The following PDE2A variants were observed in gnomAD, a reference collection of about 807,000 sequenced individuals.
PDE2A encodes the protein phosphodiesterase 2A.
PDE2A carries 53 observed loss-of-function variants against 133.6 expected under a neutral mutation model. That is an observed-to-expected ratio of 0.40 (90% confidence interval 0.32 to 0.50). PDE2A has a LOEUF of 0.50. Among genes scored for constraint, PDE2A ranks in the 20% least tolerant of loss-of-function variants. The pLI, the probability that PDE2A is intolerant of heterozygous loss-of-function variation, is 0.73. For missense variants in PDE2A, 796 were observed against 1,232.4 expected, an observed-to-expected ratio of 0.65 and a Z score of 5.30; for synonymous variants, 491 against 490.2, an observed-to-expected ratio of 1.00 and a Z score of -0.02.
chr11:72,591,759 A>G (rs975095906), intron 6 of PDE2A, among the ~76,000 whole-genome samples: 1 of 152,154 alleles, frequency 6.6e-6, no homozygotes, highest in Non-Finnish European at 1.5e-5. Context: ...TTAGGGTTTG[A>G]GCTGCCCCTA....
intron 1 of PDE2A, among the ~76,000 whole-genome samples, chr11:72,672,014 G>C (rs1855396554): frequency 6.6e-6 from 1 of 151,926 alleles, no homozygotes; most frequent in African/African-American, 2.4e-5. Context: ...TCCCTTCCCT[G>C]TTCTCATCTA....
At chr11:72,621,169 C>G (rs1269554418) in intron 2 of PDE2A, among the ~76,000 whole-genome samples, 1 of 152,190 alleles carries the variant, frequency 6.6e-6, no homozygotes, top group East Asian at 1.9e-4. Context: ...AGGCCCTGCT[C>G]TTAATCAGCA....
chr11:72,659,076 T>C (rs1206620288), intron 1 of PDE2A, among the ~76,000 whole-genome samples: 3 of 151,890 alleles, frequency 2.0e-5, no homozygotes, highest in African/African-American at 4.8e-5. Flanking sequence ...GCCCACTTTA[T>C]AGTGGAGGAG....
At chr11:72,669,579 C>G (rs1855337651) in intron 1 of PDE2A, among the ~76,000 whole-genome samples, 1 of 152,160 alleles carries the variant, frequency 6.6e-6, no homozygotes, top group African/African-American at 2.4e-5. Flanking sequence ...CGGCCACCAC[C>G]CTGGAGGCCA....
rs542800581 is a variant in PDE2A at position 72,625,938 on chromosome 11, C to A, written c.144+16316G>T. The stretch of plus-strand genomic sequence containing the variant: ...TCTCTCAGTGTTTACAGCCAAAGGC[C>A]AGGCAGGACGGTGGGGGGTGGGGCC... On this transcript the variant is annotated intron_variant, in intron 2 of 30. Coordinates refer to ENST00000334456, the MANE Select transcript of PDE2A (RefSeq NM_002599.5). Among the ~76,000 whole-genome samples, 104 of 152,322 alleles carry A rather than the reference C, an allele frequency of 6.8e-4. 1 individual carries two copies. Among genetic ancestry groups the A allele is most frequent in the Admixed American group, 4.8e-3 (74 of 15,304 alleles).
intron 1 of PDE2A, among the ~76,000 whole-genome samples, chr11:72,672,349 A>G (rs1855404492): frequency 6.6e-6 from 1 of 151,968 alleles, no homozygotes; most frequent in Admixed American, 6.6e-5. Context: ...ACACCCAGCT[A>G]ATTTTATTGT....
At chr11:72,630,914 G>C (rs544922057) in intron 2 of PDE2A, among the ~76,000 whole-genome samples, 1 of 151,942 alleles carries the variant, frequency 6.6e-6, no homozygotes, top group Non-Finnish European at 1.5e-5. Flanking sequence ...TAGGGTGAGG[G>C]GAGATGGTCT....
intron 1 of PDE2A, among the ~76,000 whole-genome samples, chr11:72,644,253 TA>T (rs1859066076): frequency 6.6e-6 from 1 of 152,120 alleles, no homozygotes; most frequent in Non-Finnish European, 1.5e-5. Flanking sequence ...AGGTGTAGAG[TA>T]AGTGATCTGG....
At chr11:72,579,797 G>T in intron 25 of PDE2A, 189 bp from the exon 26 acceptor site, 1 of 588,900 alleles carries the variant, frequency 1.7e-6, no homozygotes. Flanking sequence ...CCCAGGGTGA[G>T]TCCCTAGACC....
chr11:72,584,771 C>G, intron 17 of PDE2A, 43 bp from the exon 18 acceptor site: 1 of 1,611,312 alleles, frequency 6.2e-7, no homozygotes, highest in Non-Finnish European at 8.5e-7. Context: ...AGTTAGTGAC[C>G]CGGCCACAGA....
Position 72,588,898 on chromosome 11 carries a change from A to C in PDE2A, c.956T>G (p.Leu319Arg). Reference sequence around the variant, plus strand: ...CAGCTCACAGCCCAACATGCTCTGCAGCTGTTGTACATCCTCCTGCAAAGG... The same window carrying C: ...CAGCTCACAGCCCAACATGCTCTGCCGCTGTTGTACATCCTCCTGCAAAGG... Reference protein sequence around the residue: ...KDLTSEDVQQLQSMLGCELQA... With the variant: ...KDLTSEDVQQRQSMLGCELQA... Residue 319 changes from leucine (L) to arginine (R), a missense_variant, in exon 13 of 31, where the codon CTG becomes CGG. Leu to Arg is a moderately radical substitution (Grantham distance 102). Around this residue, in one of 7 missense-constraint regions of PDE2A, gnomAD observed 417 missense variants for 475.3 expected, o/e 0.88. Coordinates refer to ENST00000334456, the MANE Select transcript of PDE2A (RefSeq NM_002599.5). 6.2e-7 allele frequency: 1 copy of C among 1,606,808 alleles called. No individual in the cohort carries two copies. Among genetic ancestry groups the C allele is most frequent in the Non-Finnish European group, 8.5e-7 (1 of 1,174,674 alleles).
At chr11:72,589,372 T>A (rs73542583) in intron 11 of PDE2A, 132 bp from the exon 12 acceptor site, 2 of 713,396 alleles carry the variant, frequency 2.8e-6, no homozygotes, top group Non-Finnish European at 2.5e-6. Context: ...AGGGTCAGCA[T>A]TGATGAGCAG....
chr11:72,611,725 G>A (rs1591066957), intron 2 of PDE2A, among the ~76,000 whole-genome samples: 1 of 152,166 alleles, frequency 6.6e-6, no homozygotes, highest in Admixed American at 6.5e-5. Context: ...TCCTGGTCCT[G>A]CCCAGCATGC....
chr11:72,622,424 C>T (rs1200744168), intron 2 of PDE2A, among the ~76,000 whole-genome samples: 1 of 152,212 alleles, frequency 6.6e-6, no homozygotes, highest in East Asian at 1.9e-4. Flanking sequence ...AGCAGCATTA[C>T]TCACAATAGC....
chr11:72,596,703 A>AC, intron 5 of PDE2A, 55 bp from the exon 6 acceptor site: 1 of 1,209,194 alleles, frequency 8.3e-7, no homozygotes, highest in Non-Finnish European at 1.1e-6. Context: ...GCTCAGAGAT[A>AC]CCGAGCCGGG....
At chr11:72,618,528 G>A (rs1422057498) in intron 2 of PDE2A, among the ~76,000 whole-genome samples, 1 of 152,252 alleles carries the variant, frequency 6.6e-6, no homozygotes, top group Non-Finnish European at 1.5e-5. Context: ...GAGGGAGAGA[G>A]TTGGCGGAGA....
chr11:72,599,639 T>C (rs1331369456), intron 4 of PDE2A, among the ~76,000 whole-genome samples: 3 of 152,210 alleles, frequency 2.0e-5, no homozygotes, highest in East Asian at 1.9e-4. Flanking sequence ...TCTAGCCTCC[T>C]AGCTGGGTCT....
chr11:72,614,077 T>C (rs548872054), intron 2 of PDE2A, among the ~76,000 whole-genome samples: 1 of 152,212 alleles, frequency 6.6e-6, no homozygotes, highest in Non-Finnish European at 1.5e-5. Flanking sequence ...AAGCTGACTC[T>C]ATGCCTCCTC....
chr11:72,608,212 T>C (rs1857054345), intron 3 of PDE2A, among the ~76,000 whole-genome samples: 1 of 152,144 alleles, frequency 6.6e-6, no homozygotes, highest in African/African-American at 2.4e-5. Flanking sequence ...GGCAGGGCAC[T>C]TTAACCCAAT....
Sources: gnomAD v4.1 joint callset for allele counts (sites outside exome capture counted in the v4.1 genomes callset) on GRCh38, gnomAD v4.1.1 for gene constraint, gnomAD v4.1.1 regional missense constraint, MANE v1.5 for transcripts, NCBI Gene and HGNC (gene_info 2026-07-23, HGNC 2026-07-21) for gene names.